The following NPLOC4 variants were observed in gnomAD, a reference collection of about 807,000 sequenced individuals.
The protein encoded by NPLOC4 is nuclear protein localization protein 4 homolog.
Under a neutral mutation model 80.6 loss-of-function variants are expected in NPLOC4, and 18 were observed. The observed-to-expected ratio is 0.22, with a 90% confidence interval of 0.15 to 0.33. The LOEUF (loss-of-function observed/expected upper bound fraction) is 0.33. Ranked by LOEUF, NPLOC4 falls within the 10% of genes least tolerant of loss-of-function variation. The probability of loss-of-function intolerance (pLI) is 1.00; values close to 1 mark genes in which losing one functional copy is unlikely to be tolerated. For missense variants in NPLOC4, 540 were observed against 786.1 expected, an observed-to-expected ratio of 0.69 and a Z score of 3.74; for synonymous variants, 313 against 301.5, an observed-to-expected ratio of 1.04 and a Z score of -0.39.
Position 81,600,341 on chromosome 17 carries a change from C to T in NPLOC4, c.921G>A (p.Lys307=), listed in dbSNP as rs1338950901. 6.2e-7 allele frequency: 1 copy of T among 1,609,174 alleles called. No individual in the cohort carries two copies. The highest frequency in any genetic ancestry group is 8.5e-7 in the Non-Finnish European group (1 of 1,177,868). Residue 307 remains lysine, a splice_region_variant and synonymous_variant, in exon 9 of 17, where the codon AAG becomes AAA. Transcript: ENST00000331134. ...DEIAAKLGLR[K]VGWIFTDLVS... ...GCTTGGCTGCCGGATGCCTCAGTAC[C>T]TTCCGCAGGCCAAGTTTGGCAGCAA...
chr17:81,583,217 C>T (rs186769504), intron 12 of NPLOC4, among the ~76,000 whole-genome samples: 2 of 152,350 alleles, frequency 1.3e-5, no homozygotes, highest in East Asian at 3.9e-4. Context: ...TGAAGATATA[C>T]AAAGATGTCA....
chr17:81,563,180 T>C (rs1441963117), intron 16 of NPLOC4: 1 of 144,514 alleles, frequency 6.9e-6, no homozygotes, highest in Non-Finnish European at 1.5e-5. Context: ...GGTCAAGTGA[T>C]TCTCCTGCCT....
At chr17:81,619,605 G>A (rs554504096) in intron 3 of NPLOC4, among the ~76,000 whole-genome samples, 2 of 150,952 alleles carry the variant, frequency 1.3e-5, no homozygotes, top group Admixed American at 6.6e-5. Flanking sequence ...GGTGCCAGGC[G>A]CAGTGGCTTA....
At chr17:81,623,691 G>A (rs1353908333) in intron 2 of NPLOC4, among the ~76,000 whole-genome samples, 14 of 151,546 alleles carry the variant, frequency 9.2e-5, no homozygotes, top group African/African-American at 2.2e-4. Flanking sequence ...CCAGCTACTC[G>A]GGAGGCTGAG....
intron 7 of NPLOC4, among the ~76,000 whole-genome samples, chr17:81,605,194 T>C (rs867231471): frequency 1.3e-5 from 2 of 150,016 alleles, no homozygotes; most frequent in Non-Finnish European, 3.0e-5. Flanking sequence ...GGCAGGAGAA[T>C]GGCGTGAACC....
At chr17:81,602,184 G>T (rs917148434) in intron 8 of NPLOC4, among the ~76,000 whole-genome samples, 1 of 152,120 alleles carries the variant, frequency 6.6e-6, no homozygotes, top group African/African-American at 2.4e-5. Context: ...GGAGAAAGAG[G>T]TAAGAGGATC....
At chr17:81,592,698 A>G (rs554160984) in intron 11 of NPLOC4, among the ~76,000 whole-genome samples, 114 of 152,316 alleles carry the variant, frequency 7.5e-4, no homozygotes, top group Middle Eastern at 3.4e-3. Flanking sequence ...AGACACAGTA[A>G]TTAGACTGGG....
intron 1 of NPLOC4, among the ~76,000 whole-genome samples, chr17:81,635,385 G>A (rs907184099): frequency 6.8e-6 from 1 of 147,268 alleles, no homozygotes; most frequent in South Asian, 2.1e-4. Flanking sequence ...AGGAGTCGAC[G>A]TTTCCTAAGT....
At chr17:81,590,449 G>A (rs2034709327) in intron 11 of NPLOC4, among the ~76,000 whole-genome samples, 2 of 152,176 alleles carry the variant, frequency 1.3e-5, no homozygotes, top group South Asian at 4.1e-4. Flanking sequence ...GATGCCCACC[G>A]CTGCAGAAGT....
At position 81,577,829 on chromosome 17, in the gene NPLOC4, C is replaced by G. The variant is rs527647143; in HGVS notation, c.1282-5741G>C. 6.6e-5 allele frequency among the ~76,000 whole-genome samples: 10 copies of G among 152,164 alleles called. No individual in the cohort carries two copies. The highest frequency in any genetic ancestry group is 1.3e-4 in the Non-Finnish European group (9 of 68,012). On this transcript the variant is annotated intron_variant, in intron 12 of 16. Coordinates refer to ENST00000331134, the MANE Select transcript of NPLOC4 (RefSeq NM_017921.4). The surrounding 1 kb of genome is among the most constrained non-coding windows in gnomAD (Gnocchi z 4.3). The stretch of plus-strand genomic sequence containing the variant: ...CTGCCAGGCCTCCAAACCTCTCAGT[C>G]CCAGCACACCATCCTTGTCCCCAAG...
In NPLOC4 at chr17:81,610,248, C is replaced by T. The variant is rs1166381765; in HGVS notation, c.397G>A (p.Gly133Ser). 5 of 1,573,274 alleles carry T rather than the reference C, an allele frequency of 3.2e-6. No homozygotes were observed. Among genetic ancestry groups the T allele is most frequent in the Admixed American group, 1.9e-5 (1 of 53,522 alleles). ...RSRDPQLCRHGPLGKCVHCVP... is the reference protein window; with the variant it reads ...RSRDPQLCRHSPLGKCVHCVP... ...CAGTGCACGCATTTCCCCAAAGGGC[C>T]GTGGCGGCATCTGAGGAGAGTACAA... Residue 133 changes from glycine (G) to serine (S), a missense_variant, in exon 5 of 17, where the codon GGC becomes AGC. Coordinates refer to ENST00000331134, the MANE Select transcript of NPLOC4 (RefSeq NM_017921.4).
rs1209089506 is a variant in NPLOC4, at chr17:81,557,595, C to G, written c.*1664G>C. On this transcript the variant is annotated 3_prime_UTR_variant, in exon 17 of 17. Coordinates refer to ENST00000331134, the MANE Select transcript of NPLOC4 (RefSeq NM_017921.4). ...GAAGCAATGCAGGAAGCCTTGGCCA[C>G]CTAGGCTCACAGCTCATCTCAGGAC... 1 of 152,358 alleles carries G rather than the reference C, an allele frequency of 6.6e-6. No individual in the cohort carries two copies. The highest frequency in any genetic ancestry group is 2.1e-4 in the South Asian group (1 of 4,834). The allele number at this position is 152,358 out of a possible 1,614,324, so 9.4% of individuals were successfully genotyped here.
intron 6 of NPLOC4, among the ~76,000 whole-genome samples, chr17:81,607,981 G>C (rs982662858): frequency 6.6e-6 from 1 of 152,202 alleles, no homozygotes; most frequent in Non-Finnish European, 1.5e-5. Context: ...CTTTCTGGTA[G>C]GGTGTACAGA....
intron 14 of NPLOC4, 127 bp downstream of exon 14, chr17:81,568,889 T>C: frequency 1.5e-6 from 1 of 679,112 alleles, no homozygotes; most frequent in Non-Finnish European, 2.6e-6. Flanking sequence ...CAGTAGGCCC[T>C]AGCTGGCCTG....
intron 3 of NPLOC4, among the ~76,000 whole-genome samples, chr17:81,617,707 G>A (rs899541658): frequency 3.5e-5 from 4 of 115,570 alleles, no homozygotes; most frequent in South Asian, 3.2e-4. Context: ...CTCTCATGCC[G>A]AGCCGAAGCT....
Position 81,608,839 on chromosome 17 carries a change from T to A in NPLOC4, c.436-17A>T, listed in dbSNP as rs1298038021. ...ATCGAATGGCTGCCAAGACACAGAG[T>A]AAGCGAGTGCAGTCTCACACGTGCC... On this transcript the variant is annotated splice_polypyrimidine_tract_variant and intron_variant, in intron 5 of 16. Coordinates refer to ENST00000331134, the MANE Select transcript of NPLOC4 (RefSeq NM_017921.4). The A allele has an allele frequency of 6.4e-7, 1 of 1,559,162 alleles. No individual in the cohort carries two copies. Among genetic ancestry groups the A allele is most frequent in the Non-Finnish European group, 8.7e-7 (1 of 1,149,286 alleles).
intron 12 of NPLOC4, among the ~76,000 whole-genome samples, chr17:81,586,991 G>C (rs1050417192): frequency 6.6e-6 from 1 of 152,202 alleles, no homozygotes; most frequent in African/African-American, 2.4e-5. Flanking sequence ...TCTGGCTTGT[G>C]ATACACAATG....
intron 2 of NPLOC4, among the ~76,000 whole-genome samples, chr17:81,626,097 AG>A (rs2035787704): frequency 6.7e-6 from 1 of 150,092 alleles, no homozygotes; most frequent in South Asian, 2.1e-4. Flanking sequence ...TGCAGTGGGC[AG>A]AGATTGCGCC....
intron 13 of NPLOC4, 137 bp downstream of exon 13, chr17:81,571,880 T>C (rs1013914144): frequency 2.1e-6 from 1 of 483,726 alleles, no homozygotes; most frequent in East Asian, 3.2e-5. Context: ...TGGGTGCCTG[T>C]TCTGGGGTGG....
Sources: gnomAD v4.1 joint callset for allele counts (sites outside exome capture counted in the v4.1 genomes callset) on GRCh38, gnomAD v4.1.1 for gene constraint, Gnocchi (gnomAD v3.1) non-coding constraint, MANE v1.5 for transcripts, NCBI Gene and HGNC (gene_info 2026-07-23, HGNC 2026-07-21) for gene names.